The following SENP7 variants were observed in gnomAD, a reference collection of about 807,000 sequenced individuals.
The protein encoded by SENP7 is SUMO specific peptidase 7.
SENP7 carries 64 observed loss-of-function variants against 141.2 expected under a neutral mutation model. The ratio of observed to expected loss-of-function variants is 0.45; its 90% CI spans 0.37 to 0.56. The LOEUF (loss-of-function observed/expected upper bound fraction) is 0.56. Ranked by LOEUF, SENP7 falls within the 20% of genes least tolerant of loss-of-function variation. The pLI is 0.00. For missense variants in SENP7, 1,025 were observed against 1,212.2 expected, an observed-to-expected ratio of 0.85 and a Z score of 2.29; for synonymous variants, 382 against 426.4, an observed-to-expected ratio of 0.90 and a Z score of 1.28.
intron 5 of SENP7, among the ~76,000 whole-genome samples, chr3:101,408,810 C>T (rs1399342325): frequency 1.3e-5 from 2 of 152,124 alleles, no homozygotes; most frequent in African/African-American, 4.8e-5. Flanking sequence ...CTATGACAAA[C>T]CCACAGCCAA....
At chr3:101,469,078 A>G (rs1389124543) in intron 3 of SENP7, among the ~76,000 whole-genome samples, 2 of 152,226 alleles carry the variant, frequency 1.3e-5, no homozygotes, top group Non-Finnish European at 2.9e-5. Flanking sequence ...AGTCTCTGAT[A>G]AACAGACTTT....
chr3:101,463,396 T>TACAC lies in SENP7; in HGVS notation c.187-4345_187-4344insGTGT, dbSNP rs1553744609. Among the ~76,000 whole-genome samples, 659 of 82,796 alleles carry TACAC rather than the reference T, an allele frequency of 8.0e-3. 5 individuals are homozygous for TACAC. Among genetic ancestry groups the TACAC allele is most frequent in the Non-Finnish European group, 0.012 (512 of 43,854 alleles). The allele number at this position is 82,796 out of a possible 152,430, so 54.3% of individuals were successfully genotyped here. A position where few individuals can be genotyped will look rare whatever the true frequency, so the allele number is the denominator to read the frequency against. ...ATATATATATATATATATATATATA[T>TACAC]ACATATATATATATATATATACACA... On this transcript the variant is annotated intron_variant, in intron 3 of 23. Coordinates refer to ENST00000394095, the MANE Select transcript of SENP7 (RefSeq NM_020654.5).
chr3:101,463,376 T>TATATATATATATATATAC lies in SENP7; in HGVS notation c.187-4325_187-4324insGTATATATATATATATAT, dbSNP rs1559864933. On this transcript the variant is annotated intron_variant, in intron 3 of 23. Coordinates refer to ENST00000394095, the MANE Select transcript of SENP7 (RefSeq NM_020654.5). Reference sequence around the variant, plus strand: ...AAATAAATAAATAAATATATATATATATATATATATATATATATATACATA... The same window carrying TATATATATATATATATAC: ...AAATAAATAAATAAATATATATATATATATATATATATATATACATATATATATATATATATATACATA... Among the ~76,000 whole-genome samples the TATATATATATATATATAC allele has an allele frequency of 5.3e-3, 448 of 85,084 alleles. 2 individuals carry two copies. The highest frequency in any genetic ancestry group is 8.1e-3 in the Non-Finnish European group (364 of 44,800). 55.8% of individuals were successfully genotyped at this position (85,084 alleles called of 152,430 possible). A position where few individuals can be genotyped will look rare whatever the true frequency, so the allele number is the denominator to read the frequency against.
intron 15 of SENP7, 188 bp from the exon 16 acceptor site, chr3:101,340,399 C>A: frequency 1.6e-6 from 1 of 639,606 alleles, no homozygotes. Context: ...AATGGTACTC[C>A]GATTGAGTAT....
chr3:101,460,251 T>C (rs2063503756), intron 3 of SENP7, among the ~76,000 whole-genome samples: 1 of 152,176 alleles, frequency 6.6e-6, no homozygotes, highest in Admixed American at 6.5e-5. Flanking sequence ...CAAAACAATC[T>C]TGAAGAAGGA....
intron 6 of SENP7, among the ~76,000 whole-genome samples, chr3:101,378,637 G>T (rs1017578922): frequency 6.6e-6 from 1 of 152,076 alleles, no homozygotes; most frequent in African/African-American, 2.4e-5. Flanking sequence ...GAGGAAAAAT[G>T]CAAAGCAATA....
intron 6 of SENP7, among the ~76,000 whole-genome samples, chr3:101,376,760 T>C (rs9842354): frequency 0.2 from 29,799 of 151,854 alleles, 3,397 homozygotes; most frequent in Admixed American, 0.36. Flanking sequence ...GTTGTGCACA[T>C]GTACCCTAAA....
intron 4 of SENP7, chr3:101,457,176 G>T: frequency 8.9e-7 from 1 of 1,129,454 alleles, no homozygotes; most frequent in Non-Finnish European, 1.3e-6. Flanking sequence ...TTAAAAAGTA[G>T]TCATAATATA....
chr3:101,432,663 A>C (rs1399829346), intron 4 of SENP7, among the ~76,000 whole-genome samples: 1 of 152,230 alleles, frequency 6.6e-6, no homozygotes, highest in Admixed American at 6.5e-5. Context: ...GAATTCTCCC[A>C]GTTCTTGTAC....
chr3:101,403,503 TG>T (rs1250633309), intron 5 of SENP7, among the ~76,000 whole-genome samples: 1 of 152,186 alleles, frequency 6.6e-6, no homozygotes, highest in East Asian at 1.9e-4. Context: ...CTGTTATCTT[TG>T]GGGGTTTTTT....
rs71132568 is a variant in SENP7 at position 101,344,991 on chromosome 3, CAAAAAAAAAAA to C, written c.1838-1048_1838-1038del. Reference sequence around the variant, plus strand: ...AGCCCATCTCTAGAAAAAAAGAAAGCAAAAAAAAAAAAAAAAAAAAAAAAAAGGAGAAGAAA... The same window carrying C: ...AGCCCATCTCTAGAAAAAAAGAAAGCAAAAAAAAAAAAAAAGGAGAAGAAA... On this transcript the variant is annotated intron_variant, in intron 13 of 23. Transcript: ENST00000394095. 3.1e-4 allele frequency among the ~76,000 whole-genome samples: 19 copies of C among 61,352 alleles called. No homozygotes were observed. In the East Asian group the frequency reaches 4.4e-3, roughly 14 times the overall value. 40.2% of individuals were successfully genotyped at this position (61,352 alleles called of 152,430 possible).
Position 101,366,753 on chromosome 3 carries a change from T to G in SENP7, c.995A>C (p.Asp332Ala). 4 of 1,584,928 alleles carry G rather than the reference T, an allele frequency of 2.5e-6. No homozygotes were observed. Among genetic ancestry groups the G allele is most frequent in the Non-Finnish European group, 3.4e-6 (4 of 1,164,660 alleles). The change falls in exon 9 of 24, where the codon GAC (aspartate) becomes GCC (alanine). Residue 332 changes from aspartate (D) to alanine (A), a missense_variant. Physicochemically the swap from Asp to Ala is moderately radical, Grantham distance 126. Transcript: ENST00000394095. ...STEQTKKQED[D>A]STISTEFEKP... Reference sequence around the variant, plus strand: ...TTCAAACTCAGTGGATATTGTTGAGTCATCTTCTTGTTTTTTCTAAACATA... The same window carrying G: ...TTCAAACTCAGTGGATATTGTTGAGGCATCTTCTTGTTTTTTCTAAACATA...
intron 13 of SENP7, 194 bp downstream of exon 13, chr3:101,347,678 T>C: frequency 6.5e-6 from 2 of 309,272 alleles, no homozygotes; most frequent in Non-Finnish European, 1.1e-5. Context: ...GCAGAGATAG[T>C]GCCACTGCAC....
intron 3 of SENP7, among the ~76,000 whole-genome samples, chr3:101,462,182 TTGTA>T (rs1415229030): frequency 6.6e-6 from 1 of 152,214 alleles, no homozygotes; most frequent in African/African-American, 2.4e-5. Context: ...AAATTTTGTG[TTGTA>T]TGTATTTTGT....
intron 5 of SENP7, among the ~76,000 whole-genome samples, chr3:101,409,994 G>A (rs1427746184): frequency 4.6e-5 from 7 of 151,838 alleles, no homozygotes; most frequent in Admixed American, 3.3e-4. Context: ...CAGAGTAAAC[G>A]GATAACCCAC....
At chr3:101,454,515 GAA>G (rs1268719219) in intron 4 of SENP7, among the ~76,000 whole-genome samples, 1 of 150,968 alleles carries the variant, frequency 6.6e-6, no homozygotes, top group East Asian at 1.9e-4. Context: ...CATCTCAAAA[GAA>G]AAAAAGAAAA....
At chr3:101,478,057 T>A (rs528517618) in intron 3 of SENP7, among the ~76,000 whole-genome samples, 1 of 151,826 alleles carries the variant, frequency 6.6e-6, no homozygotes, top group Non-Finnish European at 1.5e-5. Flanking sequence ...GACATTCCAA[T>A]TGATACCAGA....
intron 7 of SENP7, among the ~76,000 whole-genome samples, chr3:101,368,921 T>C (rs2060109328): frequency 1.3e-5 from 2 of 152,072 alleles, no homozygotes; most frequent in African/African-American, 4.8e-5. Context: ...CAAAATACCT[T>C]TGCTCTGTAG....
Position 101,328,467 on chromosome 3 carries a change from T to G in SENP7, c.2864+11A>C. On this transcript the variant is annotated intron_variant, in intron 22 of 23. Coordinates refer to ENST00000394095, the MANE Select transcript of SENP7 (RefSeq NM_020654.5). Reference sequence around the variant, plus strand: ...ATAACAGACTGGAATGGTAAAATTGTCATTACTTACTCTCGTAAATTCTGA... The same window carrying G: ...ATAACAGACTGGAATGGTAAAATTGGCATTACTTACTCTCGTAAATTCTGA... 1 of 1,605,540 alleles carries G rather than the reference T, an allele frequency of 6.2e-7. No individual in the cohort carries two copies. The highest frequency in any genetic ancestry group is 8.5e-7 in the Non-Finnish European group (1 of 1,173,194).
Sources: allele counts gnomAD v4.1 joint callset (sites outside exome capture counted in the v4.1 genomes callset), GRCh38; gene constraint gnomAD v4.1.1; transcripts MANE v1.5; gene names NCBI Gene and HGNC (gene_info 2026-07-23, HGNC 2026-07-21).